The following TBC1D22A variants were observed in gnomAD, a reference collection of about 807,000 sequenced individuals.
The protein encoded by TBC1D22A is putative GTPase activator.
Under a neutral mutation model 60.2 loss-of-function variants are expected in TBC1D22A, and 38 were observed. That is an observed-to-expected ratio of 0.63 (90% CI 0.49 to 0.83). The LOEUF is 0.83. Ranked by LOEUF, TBC1D22A falls within the 40% of genes least tolerant of loss-of-function variation. The pLI, the probability that TBC1D22A is intolerant of heterozygous loss-of-function variation, is 0.00. For missense variants in TBC1D22A, 628 were observed against 701.0 expected (o/e 0.90, Z 1.18); for synonymous variants, 302 against 281.7 (o/e 1.07, Z -0.72).
intron 11 of TBC1D22A, among the ~76,000 whole-genome samples, chr22:47,073,729 C>T (rs1006180891): frequency 6.6e-6 from 1 of 152,166 alleles, no homozygotes; most frequent in African/African-American, 2.4e-5. Flanking sequence ...TCATTTTCTA[C>T]AGAAGTCTGC....
chr22:46,887,289 A>G (rs1235924804), intron 5 of TBC1D22A, among the ~76,000 whole-genome samples: 2 of 152,260 alleles, frequency 1.3e-5, no homozygotes, highest in African/African-American at 2.4e-5. Context: ...CAAAGCCATC[A>G]GAATGGCTAA....
Position 47,111,545 on chromosome 22 carries a change from T to C in TBC1D22A, c.1367T>C (p.Val456Ala). 1.2e-6 allele frequency: 2 copies of C among 1,614,212 alleles called. No homozygotes were observed. Among genetic ancestry groups the C allele is most frequent in the South Asian group, 2.2e-5 (2 of 91,072 alleles). The change falls in exon 12 of 13, where the codon GTG becomes GCG. Residue 456 changes from valine to alanine, a missense_variant. Coordinates refer to ENST00000337137, the MANE Select transcript of TBC1D22A (RefSeq NM_014346.5). ...GGCTTTTCTCATTTCCACTTGTACG[T>C]GTGCGCTGCTTTTCTCGTGAGATGG... is the stretch of plus-strand genomic sequence containing the variant. ...PDGFSHFHLY[V>A]CAAFLVRWRK...
intron 6 of TBC1D22A, among the ~76,000 whole-genome samples, chr22:46,892,854 T>C (rs1054141020): frequency 1.8e-4 from 27 of 152,362 alleles, no homozygotes; most frequent in Admixed American, 1.2e-3. Context: ...TCCAGATTAT[T>C]GTGAATTCCC....
rs994255381 is a variant in TBC1D22A at position 47,173,854 on chromosome 22, G to A, written c.*228G>A. Reference sequence around the variant, plus strand: ...CCAAAGAGAGCCAGGGGAGGGCCCCGGGTTCGGCGGCCAGAGGCAGGTCAG... The same window carrying A: ...CCAAAGAGAGCCAGGGGAGGGCCCCAGGTTCGGCGGCCAGAGGCAGGTCAG... On this transcript the variant is annotated 3_prime_UTR_variant, in exon 13 of 13. Transcript: ENST00000337137. 2.1e-5 allele frequency: 13 copies of A among 613,100 alleles called. No homozygotes were observed. The highest frequency in any genetic ancestry group is 6.4e-5 in the South Asian group (3 of 46,608). The allele number at this position is 613,100 out of a possible 1,614,324, so 38.0% of individuals were successfully genotyped here. A position where few individuals can be genotyped will look rare whatever the true frequency, so the allele number is the denominator to read the frequency against.
intron 12 of TBC1D22A, among the ~76,000 whole-genome samples, chr22:47,125,579 G>C (rs542147659): frequency 6.6e-6 from 1 of 152,370 alleles, no homozygotes; most frequent in Admixed American, 6.5e-5. Flanking sequence ...AATGATGAAA[G>C]GTTGGGAAGA....
At chr22:46,968,366 C>T (rs1032014652) in intron 8 of TBC1D22A, among the ~76,000 whole-genome samples, 4 of 152,240 alleles carry the variant, frequency 2.6e-5, no homozygotes, top group African/African-American at 4.8e-5. Flanking sequence ...ACCTGCGCAG[C>T]GTGGCATGGA....
intron 8 of TBC1D22A, among the ~76,000 whole-genome samples, chr22:46,965,574 G>C (rs960209894): frequency 1.3e-5 from 2 of 152,260 alleles, no homozygotes; most frequent in African/African-American, 4.8e-5. Context: ...TTGTGCTTCA[G>C]AGGGTCTGTT....
In TBC1D22A at chr22:47,009,890, G is replaced by T. The variant is rs114576336; in HGVS notation, c.1201+12181G>T. On this transcript the variant is annotated intron_variant, in intron 10 of 12. Transcript: ENST00000337137. The surrounding 1 kb of genome is among the most constrained non-coding windows in gnomAD (Gnocchi z 5.8). The stretch of plus-strand genomic sequence containing the variant: ...GCCTGCTCCTGAGGCAGCCTCTTCT[G>T]TCCAGCCCCCAGGGAGGTTGGTTGG... Among the ~76,000 whole-genome samples the T allele has an allele frequency of 3.2e-4, 48 of 152,358 alleles. 1 individual carries two copies. In the East Asian group the frequency reaches 6.4e-3, roughly 20 times the overall value.
intron 12 of TBC1D22A, among the ~76,000 whole-genome samples, chr22:47,134,885 G>T (rs1001193792): frequency 2.0e-5 from 3 of 152,108 alleles, no homozygotes; most frequent in African/African-American, 7.2e-5. Context: ...TGCACCACAG[G>T]GGAGGCTGAT....
chr22:46,847,946 TGTGTGTGTGC>T (rs1241635174), intron 4 of TBC1D22A, among the ~76,000 whole-genome samples: 122 of 130,424 alleles, frequency 9.4e-4, no homozygotes, highest in African/African-American at 2.5e-3. Flanking sequence ...TGTGTGTGTG[TGTGTGTGTGC>T]GCGCGCGCAC....
chr22:46,787,817 G>A (rs555626529), intron 1 of TBC1D22A, among the ~76,000 whole-genome samples: 1 of 152,018 alleles, frequency 6.6e-6, no homozygotes, highest in Admixed American at 6.6e-5. Flanking sequence ...ATGACAAAAT[G>A]TTGGAATTTG....
Position 46,894,788 on chromosome 22 carries a change from A to G in TBC1D22A, c.842A>G (p.His281Arg), listed in dbSNP as rs775351336. Reference sequence around the variant, plus strand: ...CCGTTTCTCCTGCTTCTCCAGATCCACATAGACATCCCTCGCATGAGCCCT... The same window carrying G: ...CCGTTTCTCCTGCTTCTCCAGATCCGCATAGACATCCCTCGCATGAGCCCT... ...EVHQDTYRQI[H>R]IDIPRMSPEA... The change falls in exon 7 of 13, where the codon CAC becomes CGC. Residue 281 changes from histidine (H) to arginine (R), a missense_variant. By Grantham distance (29) the His-to-Arg change is conservative (BLOSUM62 0). Transcript: ENST00000337137. 5.1e-5 allele frequency: 83 copies of G among 1,614,154 alleles called. No homozygotes were observed. Among genetic ancestry groups the G allele is most frequent in the East Asian group, 8.9e-5 (4 of 44,896 alleles).
At chr22:47,054,244 C>G (rs564730465) in intron 11 of TBC1D22A, among the ~76,000 whole-genome samples, 13 of 152,338 alleles carry the variant, frequency 8.5e-5, no homozygotes, top group African/African-American at 3.1e-4. Flanking sequence ...TTGGTGAGAG[C>G]ACGTGGTGGA....
At chr22:46,948,472 T>G (rs899062803) in intron 8 of TBC1D22A, among the ~76,000 whole-genome samples, 17 of 152,212 alleles carry the variant, frequency 1.1e-4, no homozygotes, top group African/African-American at 4.1e-4. Flanking sequence ...GGGTAGAGTC[T>G]CCTCCACCAA....
chr22:47,002,798 C>T (rs1432164967), intron 10 of TBC1D22A, among the ~76,000 whole-genome samples: 4 of 152,144 alleles, frequency 2.6e-5, no homozygotes, highest in African/African-American at 9.7e-5. Flanking sequence ...TCACGTTGTT[C>T]TGAGGGGACT....
rs533042434 is a variant in TBC1D22A, at chr22:46,792,918, C to T, written c.119+342C>T. 21 of 1,373,860 alleles carry T rather than the reference C, an allele frequency of 1.5e-5. No homozygotes were observed. In the East Asian group the frequency reaches 5.1e-4, roughly 33 times the overall value. 85.1% of individuals were successfully genotyped at this position (1,373,860 alleles called of 1,614,324 possible). A position where few individuals can be genotyped will look rare whatever the true frequency, so the allele number is the denominator to read the frequency against. On this transcript the variant is annotated intron_variant, in intron 2 of 12. Transcript: ENST00000337137. ...CCCTCCTCCTTCCCGCATTCTCCAC[C>T]AGCTGCTGGAGCCCGGCCCTGGCCT...
chr22:46,962,239 A>G (rs136093), intron 8 of TBC1D22A, among the ~76,000 whole-genome samples: 59,355 of 152,072 alleles, frequency 0.39, 12,685 homozygotes, highest in African/African-American at 0.57. Flanking sequence ...CGGATTTAAG[A>G]AACAGTCACA....
Position 47,079,327 on chromosome 22 carries a change from T to C in TBC1D22A, c.1330-32181T>C, listed in dbSNP as rs536376428. On this transcript the variant is annotated intron_variant, in intron 11 of 12. Coordinates refer to ENST00000337137, the MANE Select transcript of TBC1D22A (RefSeq NM_014346.5). ...GTGTTGAACTCCTGACCTCAGGTGATCCACTTGCCTTGGCCTCCCAAAGTA... is the reference window on the plus strand; with the variant it reads ...GTGTTGAACTCCTGACCTCAGGTGACCCACTTGCCTTGGCCTCCCAAAGTA... Among the ~76,000 whole-genome samples, 20 of 152,328 alleles carry C rather than the reference T, an allele frequency of 1.3e-4. 1 individual carries two copies. The South Asian group carries it at 3.9e-3, about 30-fold the overall frequency.
chr22:47,159,221 A>G (rs2067852228), intron 12 of TBC1D22A, among the ~76,000 whole-genome samples: 1 of 151,226 alleles, frequency 6.6e-6, no homozygotes, highest in South Asian at 2.1e-4. Flanking sequence ...CCATGTATGC[A>G]CACAGACACC....
Sources: allele counts gnomAD v4.1 joint callset (sites outside exome capture counted in the v4.1 genomes callset), GRCh38; gene constraint gnomAD v4.1.1; non-coding constraint Gnocchi (gnomAD v3.1); transcripts MANE v1.5; gene names NCBI Gene and HGNC (gene_info 2026-07-23, HGNC 2026-07-21).